Variants in RNF135 observed in about 807,000 individuals in gnomAD.
RNF135 encodes ring finger protein 135, also known as E3 ubiquitin-protein ligase RNF135.
RNF135 carries 46 observed loss-of-function variants against 41.9 expected under a neutral mutation model. The observed-to-expected ratio is 1.10, with a 90% CI of 0.87 to 1.40. The LOEUF (loss-of-function observed/expected upper bound fraction) is 1.40, where lower values mean the gene tolerates loss of function less well. Ranked by LOEUF, RNF135 falls within the 40% of genes most tolerant of loss-of-function variation. RNF135 has a pLI of 0.00. For synonymous variants in RNF135, 238 were observed against 223.8 expected (o/e 1.06, Z -0.57); for missense variants, 539 against 549.8 (o/e 0.98, Z 0.20).
intron 1 of RNF135, 118 bp from the exon 2 acceptor site, chr17:30,984,499 A>G (rs1375408543): frequency 5.9e-6 from 6 of 1,024,682 alleles, no homozygotes; most frequent in African/African-American, 4.7e-5. Context: ...ATTGTATTCC[A>G]TCGGTCTGTA....
At chr17:30,983,341 ATATATATATATAT>A (rs1446353678) in intron 1 of RNF135, among the ~76,000 whole-genome samples, 15 of 31,784 alleles carry the variant, frequency 4.7e-4, no homozygotes, top group Admixed American at 1.4e-3. Flanking sequence ...ATATATATAT[ATATATATATATAT>A]TTTTTTTTTT....
intron 1 of RNF135, among the ~76,000 whole-genome samples, chr17:30,981,738 A>C (rs576323146): frequency 6.6e-6 from 1 of 152,318 alleles, no homozygotes; most frequent in East Asian, 1.9e-4. Flanking sequence ...GGGCGTTGTG[A>C]TCTAAGCCGT....
chr17:30,993,746 CT>C, intron 3 of RNF135: 2 of 947,932 alleles, frequency 2.1e-6, no homozygotes, highest in South Asian at 1.6e-5. Context: ...TTTGCAAATG[CT>C]TTTTAAAAAA....
chr17:30,979,898 G>C (rs1183240707), intron 1 of RNF135, among the ~76,000 whole-genome samples: 3 of 121,928 alleles, frequency 2.5e-5, no homozygotes, highest in Admixed American at 1.5e-4. Flanking sequence ...GCGGCTGGCC[G>C]GGCAGAGGGG....
At chr17:30,976,510 C>T (rs911981344) in intron 1 of RNF135, among the ~76,000 whole-genome samples, 2 of 151,176 alleles carry the variant, frequency 1.3e-5, no homozygotes, top group Non-Finnish European at 2.9e-5. Context: ...TTCCTTGTTA[C>T]TTTTCTGTCT....
chr17:30,988,643 G>T (rs866232834), intron 3 of RNF135, among the ~76,000 whole-genome samples: 9 of 151,558 alleles, frequency 5.9e-5, no homozygotes, highest in Non-Finnish European at 1.3e-4. Flanking sequence ...AACGAGGATG[G>T]TCTCAATCTC....
chr17:30,971,121 G>C lies in RNF135; in HGVS notation c.48G>C (p.Glu16Asp), dbSNP rs1905870430. The C allele has an allele frequency of 1.4e-5, 22 of 1,534,300 alleles. No individual in the cohort carries two copies. Among genetic ancestry groups the C allele is most frequent in the Non-Finnish European group, 1.9e-5 (22 of 1,146,090 alleles). ...CCGCCGTTCCCGTGTGGCTGGCCGA[G>C]GACGACCTCGGCTGCATCATCTGCC... ...LGSAVPVWLAEDDLGCIICQG... is the reference protein window; with the variant it reads ...LGSAVPVWLADDDLGCIICQG... Residue 16 changes from glutamate (E) to aspartate (D), a missense_variant, in exon 1 of 5, where the codon GAG becomes GAC. Glu to Asp is a conservative substitution (Grantham distance 45). Transcript: ENST00000328381.
At chr17:30,993,705 TA>T (rs889406654) in intron 3 of RNF135, 26,232 of 543,958 alleles carry the variant, frequency 0.048, no homozygotes, top group South Asian at 0.071. Context: ...AGTGTTAATT[TA>T]AAAAAAAAAA....
At position 30,987,954 on chromosome 17, in the gene RNF135, C is replaced by G. The variant is rs60501934; in HGVS notation, c.527C>G (p.Ser176Cys). ...ATGGTTTATCAATAGGCTTTTTCTTCTGGGGTGGATCTTTCCATGGCTTCT... is the reference window on the plus strand; with the variant it reads ...ATGGTTTATCAATAGGCTTTTTCTTGTGGGGTGGATCTTTCCATGGCTTCT... The part of the protein sequence containing the change: ...ELSILGKAFS[S>C]GVDLSMASPK... Residue 176 changes from serine (S) to cysteine (C), a missense_variant, in exon 3 of 5, where the codon TCT (serine) becomes TGT (cysteine). Around this residue, in one of 2 missense-constraint regions of RNF135, gnomAD observed 262 missense variants for 336.9 expected, o/e 0.78. Coordinates refer to ENST00000328381, the MANE Select transcript of RNF135 (RefSeq NM_032322.4). 9.5e-4 allele frequency: 1,529 copies of G among 1,613,988 alleles called. 13 individuals are homozygous for G. The African/African-American group carries it at 0.018, about 19-fold the overall frequency.
At chr17:30,983,316 TGTAC>T (rs1209613442) in intron 1 of RNF135, among the ~76,000 whole-genome samples, 16 of 58,348 alleles carry the variant, frequency 2.7e-4, no homozygotes, top group African/African-American at 9.0e-4. Context: ...ATTACATATA[TGTAC>T]ATATATATAT....
chr17:30,971,495 G>A (rs1023775488), intron 1 of RNF135, 50 bp downstream of exon 1: 36 of 1,439,306 alleles, frequency 2.5e-5, no homozygotes, highest in Non-Finnish European at 3.2e-5. Flanking sequence ...GCTGCCCGCC[G>A]CCTGACCCTT....
intron 1 of RNF135, chr17:30,978,735 C>G (rs1265431084): frequency 4.5e-5 from 6 of 133,256 alleles, no homozygotes; most frequent in Non-Finnish European, 9.4e-5. Context: ...TCTGGTTTTC[C>G]TAGGCAGAGG....
chr17:30,973,654 G>A (rs1567736789), intron 1 of RNF135, among the ~76,000 whole-genome samples: 1 of 152,180 alleles, frequency 6.6e-6, no homozygotes, highest in East Asian at 1.9e-4. Flanking sequence ...TTTTAGTAGA[G>A]ACGGGGTTTC....
At chr17:30,968,213 G>A (rs1033234066), upstream of RNF135, among the ~76,000 whole-genome samples, 1 of 150,816 alleles carries the variant, frequency 6.6e-6, no homozygotes, top group African/African-American at 2.4e-5. Flanking sequence ...GTTTGAACCC[G>A]GGAGGTGGAG....
intron 4 of RNF135, 138 bp downstream of exon 4, chr17:30,997,469 G>T (rs745623342): frequency 1.0e-5 from 8 of 783,526 alleles, no homozygotes; most frequent in Non-Finnish European, 1.8e-5. Context: ...CCCTCCACGG[G>T]GGGAGCTGAT....
upstream of RNF135, among the ~76,000 whole-genome samples, chr17:30,969,932 T>G (rs1905754282): frequency 6.6e-6 from 1 of 151,964 alleles, no homozygotes; most frequent in African/African-American, 2.4e-5. Context: ...GCCTGGCTTT[T>G]CTTTTCTTTT....
At chr17:30,959,803 A>G in the RNF135 span, 1 of 152,184 alleles carries the variant, frequency 6.6e-6, no homozygotes, top group East Asian at 1.9e-4. Context: ...CATGCCTGTG[A>G]ACAGCCATTG....
At chr17:30,984,221 T>A (rs372944327) in intron 1 of RNF135, among the ~76,000 whole-genome samples, 2 of 152,236 alleles carry the variant, frequency 1.3e-5, no homozygotes, top group African/African-American at 2.4e-5. Flanking sequence ...CAATAAATCA[T>A]TGCCAAATCC....
chr17:30,970,753 G>A (rs1446733589), upstream of RNF135: 3 of 411,204 alleles, frequency 7.3e-6, no homozygotes, highest in African/African-American at 4.2e-5. Flanking sequence ...GACATCCAAC[G>A]GTGCTGCATC....
Sources: gnomAD v4.1 joint callset for allele counts (sites outside exome capture counted in the v4.1 genomes callset) on GRCh38, gnomAD v4.1.1 for gene constraint, gnomAD v4.1.1 regional missense constraint, MANE v1.5 for transcripts, NCBI Gene and HGNC (gene_info 2026-07-23, HGNC 2026-07-21) for gene names.